The following RFC2 variants were observed in gnomAD, a reference collection of about 807,000 sequenced individuals.
RFC2 encodes the protein A1 40 kDa subunit.
RFC2 carries 34 observed loss-of-function variants against 44.8 expected under a neutral mutation model. The observed-to-expected ratio is 0.76, with a 90% CI of 0.58 to 1.01. The LOEUF is 1.01. RFC2 is among the 50% of genes least tolerant of loss of function. RFC2 has a pLI of 0.00. For synonymous variants in RFC2, 177 were observed against 168.9 expected, an observed-to-expected ratio of 1.05 and a Z score of -0.37; for missense variants, 400 against 453.6, an observed-to-expected ratio of 0.88 and a Z score of 1.07.
At chr7:74,243,451 C>T (rs774536790) in intron 5 of RFC2, among the ~76,000 whole-genome samples, 2 of 152,002 alleles carry the variant, frequency 1.3e-5, no homozygotes, top group Non-Finnish European at 2.9e-5. Flanking sequence ...CCTACAGCAT[C>T]AGAACAACCC....
In RFC2 at chr7:74,238,449, AC is replaced by A. The variant is rs1803143537; in HGVS notation, c.759+473del. Among the ~76,000 whole-genome samples the A allele has an allele frequency of 6.6e-6, 1 of 152,018 alleles. No homozygotes were observed. On this transcript the variant is annotated intron_variant, in intron 8 of 10. Coordinates refer to ENST00000055077, the MANE Select transcript of RFC2 (RefSeq NM_181471.3). This position sits in a 1 kb window ranked among gnomAD's most constrained non-coding sequence, Gnocchi z 4.0. ...CCTCAGCCTGGCTTTGAGGGTTACT[AC>A]CCACCCTCCAGGGGCAGAAGTGGGG... is the stretch of plus-strand genomic sequence containing the variant.
intron 6 of RFC2, among the ~76,000 whole-genome samples, chr7:74,242,197 T>G (rs1803368723): frequency 6.6e-6 from 1 of 152,160 alleles, no homozygotes; most frequent in Non-Finnish European, 1.5e-5. Context: ...AGCACATGAA[T>G]AGCACAAGAA....
intron 5 of RFC2, among the ~76,000 whole-genome samples, chr7:74,245,922 C>T (rs1276005411): frequency 1.3e-5 from 2 of 151,730 alleles, no homozygotes; most frequent in African/African-American, 2.4e-5. Context: ...TTAGGCCAGG[C>T]TCGGTGGCTC....
intron 6 of RFC2, among the ~76,000 whole-genome samples, chr7:74,240,371 G>A (rs904482515): frequency 4.6e-5 from 7 of 151,936 alleles, no homozygotes; most frequent in East Asian, 1.9e-4. Context: ...GTGTGGTGTC[G>A]CACGTCTGTA....
intron 10 of RFC2, among the ~76,000 whole-genome samples, chr7:74,233,603 T>TA (rs1802847428): frequency 2.7e-5 from 4 of 149,446 alleles, no homozygotes; most frequent in African/African-American, 9.8e-5. Context: ...TGGTTTTTTT[T>TA]TTTTTTTTTT....
rs868980314 is a variant in RFC2 at position 74,238,989 on chromosome 7, C to T, written c.694-1G>A. 2.5e-6 allele frequency: 4 copies of T among 1,613,268 alleles called. No individual in the cohort carries two copies. The highest frequency in any genetic ancestry group is 3.4e-6 in the Non-Finnish European group (4 of 1,179,258). On this transcript the variant is annotated splice_acceptor_variant, in intron 7 of 10. Coordinates refer to ENST00000055077, the MANE Select transcript of RFC2 (RefSeq NM_181471.3). LOFTEE classifies it high-confidence loss of function. This position sits in a 1 kb window ranked among gnomAD's most constrained non-coding sequence, Gnocchi z 4.0. ...AGGTGGACTGCAGGTTGTTCAGCGC[C>T]TGTTCAGGAGCAAACACATGTCAAG...
chr7:74,232,786 A>G (rs1458048279), intron 10 of RFC2, among the ~76,000 whole-genome samples: 1 of 151,796 alleles, frequency 6.6e-6, no homozygotes, highest in African/African-American at 2.4e-5. Flanking sequence ...AATCACTTAA[A>G]CCTGGGAGGC....
chr7:74,250,597 C>T (rs1251596571), intron 2 of RFC2, among the ~76,000 whole-genome samples: 1 of 152,100 alleles, frequency 6.6e-6, no homozygotes, highest in Admixed American at 6.6e-5. Context: ...ACCAGGGCTT[C>T]ACCATCCTCC....
At chr7:74,242,731 T>C (rs557338088) in intron 6 of RFC2, among the ~76,000 whole-genome samples, 17 of 127,366 alleles carry the variant, frequency 1.3e-4, no homozygotes, top group East Asian at 1.1e-3. Context: ...CTGGCCAACA[T>C]GGTGAAACCC....
chr7:74,246,974 A>ATT (rs1803650059), intron 4 of RFC2, among the ~76,000 whole-genome samples: 1 of 137,646 alleles, frequency 7.3e-6, no homozygotes, highest in Non-Finnish European at 1.6e-5. Context: ...GAAAATATAC[A>ATT]CTTTTTTTTT....
In RFC2 at chr7:74,231,559, G is replaced by C. The variant is rs1304608884; in HGVS notation, c.*547C>G. On this transcript the variant is annotated 3_prime_UTR_variant, in exon 11 of 11. Coordinates refer to ENST00000055077, the MANE Select transcript of RFC2 (RefSeq NM_181471.3). ...AAAATGTCAACCCACACACAGATCAGAGACCGCCCTCAGCTTCTCTGCGCC... is the reference window on the plus strand; with the variant it reads ...AAAATGTCAACCCACACACAGATCACAGACCGCCCTCAGCTTCTCTGCGCC... 6.5e-6 allele frequency: 1 copy of C among 153,330 alleles called. No homozygotes were observed. Among genetic ancestry groups the C allele is most frequent in the African/African-American group, 2.4e-5 (1 of 41,450 alleles). The allele number at this position is 153,330 out of a possible 1,614,324, so 9.5% of individuals were successfully genotyped here. A position where few individuals can be genotyped will look rare whatever the true frequency, so the allele number is the denominator to read the frequency against.
chr7:74,248,849 C>T (rs1195942536), intron 4 of RFC2, among the ~76,000 whole-genome samples, 163 bp downstream of exon 4: 5 of 152,198 alleles, frequency 3.3e-5, no homozygotes, highest in Admixed American at 1.3e-4. Context: ...AAAAATAAAC[C>T]GGCAAGTTGA....
chr7:74,249,501 A>G (rs1803810910), intron 3 of RFC2, among the ~76,000 whole-genome samples: 1 of 152,002 alleles, frequency 6.6e-6, no homozygotes, highest in Admixed American at 6.6e-5. Context: ...AGATTGCACC[A>G]CTGCACTCTA....
rs142327554 is a variant in RFC2, at chr7:74,254,281, C to G, written c.103G>C (p.Glu35Gln). Reference sequence around the variant, plus strand: ...GGCCTGGGACCTCACCACGGCAGTTCGTAGTGGCCGGCGCTGCCGGGGGCC... The same window carrying G: ...GGCCTGGGACCTCACCACGGCAGTTGGTAGTGGCCGGCGCTGCCGGGGGCC... The part of the protein sequence containing the change: ...SKAPGSAGHY[E>Q]LPWVEKYRPV... The change falls in exon 1 of 11, where the codon GAA becomes CAA. Residue 35 changes from glutamate to glutamine, a missense_variant. Coordinates refer to ENST00000055077, the MANE Select transcript of RFC2 (RefSeq NM_181471.3). 1 of 1,611,848 alleles carries G rather than the reference C, an allele frequency of 6.2e-7. No individual in the cohort carries two copies. Among genetic ancestry groups the G allele is most frequent in the Non-Finnish European group, 8.5e-7 (1 of 1,178,562 alleles).
chr7:74,249,959 C>T (rs1407438066), intron 2 of RFC2, 179 bp from the exon 3 acceptor site: 6 of 638,914 alleles, frequency 9.4e-6, no homozygotes, highest in Non-Finnish European at 1.7e-5. Flanking sequence ...TGAGGCCAGC[C>T]TGGGCAACAC....
intron 4 of RFC2, 71 bp downstream of exon 4, chr7:74,248,941 G>A: frequency 9.3e-7 from 1 of 1,075,378 alleles, no homozygotes; most frequent in Non-Finnish European, 1.4e-6. Context: ...CCAATGCTGA[G>A]AAAGGTTGTT....
intron 8 of RFC2, 139 bp from the exon 9 acceptor site, chr7:74,237,581 G>A (rs2116268673): frequency 4.0e-6 from 2 of 497,824 alleles, no homozygotes; most frequent in Non-Finnish European, 7.2e-6. Flanking sequence ...CAGCAACCAG[G>A]ATGAGTTTGG....
At chr7:74,235,439 C>T (rs1232313755) in intron 10 of RFC2, 93 bp downstream of exon 10, 5 of 840,250 alleles carry the variant, frequency 6.0e-6, no homozygotes, top group Non-Finnish European at 1.0e-5. Flanking sequence ...ACCTCGGCCT[C>T]CCAAAGTGCT....
intron 5 of RFC2, among the ~76,000 whole-genome samples, chr7:74,243,477 G>A (rs1003229930): frequency 1.3e-5 from 2 of 151,982 alleles, no homozygotes; most frequent in Non-Finnish European, 2.9e-5. Flanking sequence ...TGAAACTCAC[G>A]AAAACCACGA....
Sources: allele counts gnomAD v4.1 joint callset (sites outside exome capture counted in the v4.1 genomes callset), GRCh38; gene constraint gnomAD v4.1.1; non-coding constraint Gnocchi (gnomAD v3.1); transcripts MANE v1.5; gene names NCBI Gene and HGNC (gene_info 2026-07-23, HGNC 2026-07-21).